The following FGF12 variants were observed in gnomAD, a reference collection of about 807,000 sequenced individuals.
FGF12 encodes the protein fibroblast growth factor 12.
FGF12 carries 14 observed loss-of-function variants against 23.6 expected under a neutral mutation model. The ratio of observed to expected loss-of-function variants is 0.59; its 90% confidence interval spans 0.39 to 0.93. FGF12 has a LOEUF of 0.93. Among genes scored for constraint, FGF12 ranks in the 40% least tolerant of loss-of-function variants. FGF12 has a pLI of 0.00. For synonymous variants in FGF12, 62 were observed against 77.3 expected (o/e 0.80, Z 1.04); for missense variants, 175 against 217.8 (o/e 0.80, Z 1.24).
chr3:192,266,823 C>A (rs995501004), intron 4 of FGF12, among the ~76,000 whole-genome samples: 2 of 151,684 alleles, frequency 1.3e-5, no homozygotes, highest in African/African-American at 2.4e-5. Flanking sequence ...CACACACACA[C>A]ATACACTACC....
At chr3:192,588,773 G>C (rs1478473083) in intron 2 of FGF12, among the ~76,000 whole-genome samples, 1 of 151,934 alleles carries the variant, frequency 6.6e-6, no homozygotes, top group Non-Finnish European at 1.5e-5. Flanking sequence ...CTTCTTATTT[G>C]AGTTCACTTT....
At position 192,261,701 on chromosome 3, in the gene FGF12, G is replaced by A. The variant is rs116745027; in HGVS notation, c.228+73660C>T. 6.6e-3 allele frequency among the ~76,000 whole-genome samples: 1,008 copies of A among 152,270 alleles called. 4 individuals are homozygous for A. Among genetic ancestry groups the A allele is most frequent in the African/African-American group, 0.023 (965 of 41,556 alleles). Reference sequence around the variant, plus strand: ...TTTGCTTACATCATGAGCTTACATCGAACACAGTGGTTACAAATAGATGAG... The same window carrying A: ...TTTGCTTACATCATGAGCTTACATCAAACACAGTGGTTACAAATAGATGAG... On this transcript the variant is annotated intron_variant, in intron 4 of 5. Coordinates refer to ENST00000445105, the MANE Select transcript of FGF12 (RefSeq NM_004113.6).
chr3:192,609,220 T>G (rs1475854755), intron 2 of FGF12, among the ~76,000 whole-genome samples: 1 of 152,152 alleles, frequency 6.6e-6, no homozygotes, highest in Non-Finnish European at 1.5e-5. Context: ...TGTTACATGC[T>G]GAATAGATGA....
At chr3:192,664,228 A>T (rs1716771425) in intron 2 of FGF12, among the ~76,000 whole-genome samples, 1 of 152,202 alleles carries the variant, frequency 6.6e-6, no homozygotes, top group South Asian at 2.1e-4. Flanking sequence ...ATGAAGAGAC[A>T]TTATAATCCA....
intron 2 of FGF12, among the ~76,000 whole-genome samples, chr3:192,568,379 C>T (rs1003524195): frequency 7.9e-5 from 12 of 152,132 alleles, no homozygotes; most frequent in Non-Finnish European, 1.6e-4. Context: ...TTATGGACTC[C>T]TACCCTTCCG....
At chr3:192,638,341 T>C (rs973307966) in intron 2 of FGF12, among the ~76,000 whole-genome samples, 3 of 152,244 alleles carry the variant, frequency 2.0e-5, no homozygotes, top group Admixed American at 1.3e-4. Flanking sequence ...TTGGTCTTAG[T>C]TGGAAAAAGA....
intron 4 of FGF12, among the ~76,000 whole-genome samples, chr3:192,273,857 AG>A (rs1344752860): frequency 2.0e-5 from 3 of 151,996 alleles, no homozygotes; most frequent in Non-Finnish European, 4.4e-5. Flanking sequence ...CTTCCTGCTC[AG>A]TGGACTGATT....
intron 2 of FGF12, among the ~76,000 whole-genome samples, chr3:192,561,877 TA>T: frequency 6.9e-6 from 1 of 145,462 alleles, no homozygotes; most frequent in South Asian, 2.2e-4. Flanking sequence ...CAAGAGAAGT[TA>T]AAACATGGCA....
At chr3:192,300,517 C>A (rs1291792123) in intron 4 of FGF12, among the ~76,000 whole-genome samples, 1 of 151,802 alleles carries the variant, frequency 6.6e-6, no homozygotes, top group Non-Finnish European at 1.5e-5. Context: ...ATGGTAGGTG[C>A]CAATTTTGGT....
At chr3:192,480,252 C>T (rs529697232) in intron 2 of FGF12, among the ~76,000 whole-genome samples, 18 of 152,240 alleles carry the variant, frequency 1.2e-4, no homozygotes, top group Non-Finnish European at 2.1e-4. Context: ...AGGAACCTTA[C>T]CATTCTTCTC....
At chr3:192,708,167 G>A (rs1432777970) in intron 2 of FGF12, among the ~76,000 whole-genome samples, 9 of 152,054 alleles carry the variant, frequency 5.9e-5, no homozygotes, top group Non-Finnish European at 8.8e-5. Context: ...CACCGTGTTA[G>A]CCAGGTTGGT....
chr3:192,719,356 A>C (rs1449477862), intron 2 of FGF12, among the ~76,000 whole-genome samples: 2 of 152,192 alleles, frequency 1.3e-5, no homozygotes, highest in Non-Finnish European at 2.9e-5. Flanking sequence ...CTATTGCTTT[A>C]GTTGTCTCCT....
chr3:192,709,049 T>A (rs1163779697), intron 2 of FGF12, among the ~76,000 whole-genome samples: 1 of 152,234 alleles, frequency 6.6e-6, no homozygotes, highest in Non-Finnish European at 1.5e-5. Context: ...GACAACATTG[T>A]CTGCCTCTCC....
rs191007770 is a variant in FGF12, at chr3:192,146,767, T to C, written c.428-2640A>G. ...ACAATGTTACTGTTATAATTACTGCTGCAGATAACTTTTCCAGTAATTTAA... is the reference window on the plus strand; with the variant it reads ...ACAATGTTACTGTTATAATTACTGCCGCAGATAACTTTTCCAGTAATTTAA... On this transcript the variant is annotated intron_variant, in intron 5 of 5. Transcript: ENST00000445105. 5.3e-3 allele frequency among the ~76,000 whole-genome samples: 801 copies of C among 152,340 alleles called. 7 individuals are homozygous for C. The highest frequency in any genetic ancestry group is 7.8e-3 in the Non-Finnish European group (534 of 68,030).
chr3:192,276,491 A>C (rs1713796266), intron 4 of FGF12, among the ~76,000 whole-genome samples: 2 of 152,212 alleles, frequency 1.3e-5, no homozygotes, highest in Admixed American at 1.3e-4. Context: ...ACAGATAACC[A>C]AGGTGCCTTA....
chr3:192,594,587 T>C (rs1247938021), intron 2 of FGF12, among the ~76,000 whole-genome samples: 1 of 151,886 alleles, frequency 6.6e-6, no homozygotes, highest in South Asian at 2.1e-4. Context: ...TGATGGCTTT[T>C]GGAGATGAGG....
At chr3:192,146,641 C>T (rs1364001867) in intron 5 of FGF12, among the ~76,000 whole-genome samples, 1 of 151,974 alleles carries the variant, frequency 6.6e-6, no homozygotes, top group East Asian at 1.9e-4. Flanking sequence ...TTTTTTTATG[C>T]CACAGATTCT....
intron 4 of FGF12, among the ~76,000 whole-genome samples, chr3:192,250,323 A>G (rs1254601651): frequency 1.3e-5 from 2 of 152,164 alleles, no homozygotes; most frequent in African/African-American, 4.8e-5. Flanking sequence ...GTGTACACTA[A>G]GGAAAAATTA....
intron 5 of FGF12, among the ~76,000 whole-genome samples, chr3:192,158,149 T>C (rs1714535633): frequency 6.6e-6 from 1 of 152,112 alleles, no homozygotes. Flanking sequence ...AACCTCATGG[T>C]TGTACACAGC....
Sources: allele counts gnomAD v4.1 joint callset (sites outside exome capture counted in the v4.1 genomes callset), GRCh38; gene constraint gnomAD v4.1.1; transcripts MANE v1.5; gene names NCBI Gene and HGNC (gene_info 2026-07-23, HGNC 2026-07-21).